Variants in CCN4 observed in about 807,000 individuals in gnomAD.
CCN4 encodes the protein CCN family member 4.
In CCN4, 30 loss-of-function variants were observed where a neutral mutation model predicts 36.7. That is an observed-to-expected ratio of 0.82 (90% CI 0.61 to 1.11). The LOEUF (loss-of-function observed/expected upper bound fraction) is 1.11, where lower values mean the gene tolerates loss of function less well. Ranked by LOEUF, CCN4 falls within the 50% of genes least tolerant of loss-of-function variation. The pLI is 0.00. For synonymous variants in CCN4, 191 were observed against 195.4 expected (o/e 0.98, Z 0.19); for missense variants, 505 against 504.9 (o/e 1.00, Z 0.00).
In CCN4 at chr8:133,215,076, T is replaced by C. The variant is rs116497073; in HGVS notation, c.349+1933T>C. Reference sequence around the variant, plus strand: ...TCCCACTTCTCCCATCTTTCTAATTTTTCTTCTTTTACTGAAACTCATTAG... The same window carrying C: ...TCCCACTTCTCCCATCTTTCTAATTCTTCTTCTTTTACTGAAACTCATTAG... On this transcript the variant is annotated intron_variant, in intron 2 of 4. Coordinates refer to ENST00000250160, the MANE Select transcript of CCN4 (RefSeq NM_003882.4). 2.5e-3 allele frequency among the ~76,000 whole-genome samples: 385 copies of C among 152,334 alleles called. 3 individuals are homozygous for C. Among genetic ancestry groups the C allele is most frequent in the African/African-American group, 8.8e-3 (364 of 41,562 alleles).
At chr8:133,195,081 CTTGT>C (rs1272178365) in intron 1 of CCN4, among the ~76,000 whole-genome samples, 1 of 118,474 alleles carries the variant, frequency 8.4e-6, no homozygotes, top group Non-Finnish European at 1.7e-5. Context: ...ATGTAGTGTG[CTTGT>C]GTGTGTGTGG....
intron 3 of CCN4, among the ~76,000 whole-genome samples, chr8:133,223,560 G>A (rs769071000): frequency 6.6e-6 from 1 of 151,750 alleles, no homozygotes; most frequent in African/African-American, 2.4e-5. Flanking sequence ...CTTCTTTTCT[G>A]TGTTTATCTT....
intron 3 of CCN4, among the ~76,000 whole-genome samples, chr8:133,224,846 A>G (rs1165950715): frequency 6.6e-6 from 1 of 151,996 alleles, no homozygotes; most frequent in African/African-American, 2.4e-5. Flanking sequence ...AGGCAGGAGA[A>G]TAACTTAAAA....
At chr8:133,204,606 A>G (rs1078778) in intron 1 of CCN4, among the ~76,000 whole-genome samples, 125,793 of 152,220 alleles carry the variant, frequency 0.83, 52,597 homozygotes, top group East Asian at 1. Context: ...CCAGGCTGGA[A>G]TGCAGTGGTG....
chr8:133,225,547 G>A lies in CCN4; in HGVS notation c.768G>A (p.Leu256=). ...AGCAAGAGAGCCGCCTCTGCAACTTGCGGCCATGCGATGTGGACATCCATA... is the reference window on the plus strand; with the variant it reads ...AGCAAGAGAGCCGCCTCTGCAACTTACGGCCATGCGATGTGGACATCCATA... ...WPEQESRLCN[L]RPCDVDIHTL... is the part of the protein sequence containing the mutation. Residue 256 remains leucine (L), a synonymous_variant, in exon 4 of 5, where the codon TTG becomes TTA. Coordinates refer to ENST00000250160, the MANE Select transcript of CCN4 (RefSeq NM_003882.4). The A allele has an allele frequency of 6.2e-7, 1 of 1,613,184 alleles. No homozygotes were observed. The highest frequency in any genetic ancestry group is 1.1e-5 in the South Asian group (1 of 90,908).
chr8:133,201,416 G>T (rs910147076), intron 1 of CCN4, among the ~76,000 whole-genome samples: 1 of 152,146 alleles, frequency 6.6e-6, no homozygotes, highest in Non-Finnish European at 1.5e-5. Flanking sequence ...TTACAAAATT[G>T]TAACTAATTT....
At chr8:133,212,593 A>G (rs1216096369) in intron 1 of CCN4, among the ~76,000 whole-genome samples, 1 of 152,200 alleles carries the variant, frequency 6.6e-6, no homozygotes, top group Non-Finnish European at 1.5e-5. Context: ...AAGAAAGGAA[A>G]GGAGCAGGGT....
chr8:133,210,814 G>C (rs1217041531), intron 1 of CCN4, among the ~76,000 whole-genome samples: 1 of 152,224 alleles, frequency 6.6e-6, no homozygotes, highest in Non-Finnish European at 1.5e-5. Flanking sequence ...AGTGGCTTAA[G>C]GGAAAGCCAG....
Position 133,219,791 on chromosome 8 carries a change from G to C in CCN4, c.350-790G>C, listed in dbSNP as rs143668461. Among the ~76,000 whole-genome samples the C allele has an allele frequency of 4.3e-4, 65 of 152,294 alleles. 1 individual carries two copies. The East Asian group carries it at 0.012, about 28-fold the overall frequency. ...TGATTTTTCTGAAATAGATTATTCTGATGATTCAGACAATTCTGATGTTAG... is the reference window on the plus strand; with the variant it reads ...TGATTTTTCTGAAATAGATTATTCTCATGATTCAGACAATTCTGATGTTAG... On this transcript the variant is annotated intron_variant, in intron 2 of 4. Transcript: ENST00000250160.
intron 1 of CCN4, among the ~76,000 whole-genome samples, chr8:133,194,605 TGTG>T (rs1853272063): frequency 2.0e-5 from 2 of 102,344 alleles, no homozygotes; most frequent in Non-Finnish European, 3.9e-5. Flanking sequence ...GGTGTGTGTG[TGTG>T]GGTTTGTGTA....
At chr8:133,226,654 C>A (rs1210115794) in intron 4 of CCN4, among the ~76,000 whole-genome samples, 5 of 152,158 alleles carry the variant, frequency 3.3e-5, no homozygotes, top group African/African-American at 1.2e-4. Context: ...ATTACTGGAC[C>A]ACGTAATGCA....
At chr8:133,193,917 G>A (rs1037529087) in intron 1 of CCN4, among the ~76,000 whole-genome samples, 5 of 152,128 alleles carry the variant, frequency 3.3e-5, no homozygotes, top group African/African-American at 1.2e-4. Context: ...CAGAGTAGAG[G>A]GGCTGGAATC....
At position 133,220,795 on chromosome 8, in the gene CCN4, C is replaced by T. The variant is rs145838471; in HGVS notation, c.564C>T (p.Asp188=). 1.3e-4 allele frequency: 214 copies of T among 1,610,752 alleles called. No individual in the cohort carries two copies. Among genetic ancestry groups the T allele is most frequent in the African/African-American group, 1.6e-4 (12 of 74,986 alleles). ...GTGAGCAGTGGGTATGTGAGGACGA[C>T]GCCAAGAGGCCACGCAAGACCGCAC... ...HCCEQWVCED[D]AKRPRKTAPR... Residue 188 remains aspartate, a synonymous_variant, in exon 3 of 5, where the codon GAC becomes GAT. Coordinates refer to ENST00000250160, the MANE Select transcript of CCN4 (RefSeq NM_003882.4).
intron 1 of CCN4, among the ~76,000 whole-genome samples, chr8:133,206,798 G>A (rs1853791660): frequency 6.6e-6 from 1 of 152,198 alleles, no homozygotes; most frequent in African/African-American, 2.4e-5. Flanking sequence ...AGAACTAACT[G>A]GGAGGTTCTA....
chr8:133,192,513 G>T (rs1453811656), intron 1 of CCN4, among the ~76,000 whole-genome samples: 1 of 152,208 alleles, frequency 6.6e-6, no homozygotes, highest in African/African-American at 2.4e-5. Flanking sequence ...TTGCCCAGGA[G>T]CTCCTCATTA....
At chr8:133,226,802 C>A (rs1002545026) in intron 4 of CCN4, among the ~76,000 whole-genome samples, 3 of 152,150 alleles carry the variant, frequency 2.0e-5, no homozygotes, top group African/African-American at 7.2e-5. Context: ...CCCTGAGAAC[C>A]CTCAATCCAA....
chr8:133,212,820 C>A (rs1188541178), intron 1 of CCN4, 44 bp from the exon 2 acceptor site: 21 of 1,456,800 alleles, frequency 1.4e-5, no homozygotes, highest in Non-Finnish European at 2.0e-5. Context: ...GCGTTGAAAC[C>A]CCTGTCTCAG....
chr8:133,215,945 A>T (rs1480338174), intron 2 of CCN4, among the ~76,000 whole-genome samples: 1 of 151,972 alleles, frequency 6.6e-6, no homozygotes, highest in Non-Finnish European at 1.5e-5. Context: ...TTAATACTAA[A>T]TTTTTTCAGT....
chr8:133,210,543 T>A (rs953480894), intron 1 of CCN4, among the ~76,000 whole-genome samples: 1 of 151,874 alleles, frequency 6.6e-6, no homozygotes, highest in Admixed American at 6.6e-5. Context: ...CCCCAAGAGC[T>A]CTCTGTTCCC....
Sources: gnomAD v4.1 joint callset for allele counts (sites outside exome capture counted in the v4.1 genomes callset) on GRCh38, gnomAD v4.1.1 for gene constraint, MANE v1.5 for transcripts, NCBI Gene and HGNC (gene_info 2026-07-23, HGNC 2026-07-21) for gene names.